ZSCAN5A: variants seen among roughly 807,000 people sequenced by gnomAD.
The protein encoded by ZSCAN5A is zinc finger and SCAN domain containing 5A.
A neutral mutation model predicts 23.7 loss-of-function variants in ZSCAN5A; 12 were observed. That is an observed-to-expected ratio of 0.51 (90% confidence interval 0.32 to 0.82). The LOEUF (loss-of-function observed/expected upper bound fraction) is 0.82, where lower values mean the gene tolerates loss of function less well. Ranked by LOEUF, ZSCAN5A falls within the 40% of genes least tolerant of loss-of-function variation. The probability of loss-of-function intolerance (pLI) is 0.03; values close to 1 mark genes in which losing one functional copy is unlikely to be tolerated. For missense variants in ZSCAN5A, 597 were observed against 617.9 expected (o/e 0.97, Z 0.36); for synonymous variants, 257 against 239.9 (o/e 1.07, Z -0.66).
Position 56,351,054 on chromosome 19 carries a change from C to T in ZSCAN5A, c.-358+12181G>A, listed in dbSNP as rs1015662465. Among the ~76,000 whole-genome samples, 4 of 151,878 alleles carry T rather than the reference C, an allele frequency of 2.6e-5. No homozygotes were observed. Among genetic ancestry groups the T allele is most frequent in the Admixed American group, 2.6e-4 (4 of 15,242 alleles). On this transcript the variant is annotated intron_variant, in intron 2 of 6. Coordinates refer to the ZSCAN5A transcript ENST00000587340. The surrounding 1 kb of genome is among the most constrained non-coding windows in gnomAD (Gnocchi z 4.8). ...CCCAGAAAGAATCATCATCTAACAC[C>T]CCCTAACAGCAGTTAGGTTTACTTC...
intron 2 of ZSCAN5A, among the ~76,000 whole-genome samples, chr19:56,345,367 T>C (rs2041625055): frequency 6.6e-6 from 1 of 152,308 alleles, no homozygotes; most frequent in East Asian, 1.9e-4. Context: ...ATATTAGACA[T>C]GCGGAAAGAA....
At chr19:56,265,741 G>A (rs2037428239) in intron 2 of ZSCAN5A, among the ~76,000 whole-genome samples, 1 of 152,130 alleles carries the variant, frequency 6.6e-6, no homozygotes. Context: ...ACTCTCACCT[G>A]AAAAGCATTA....
chr19:56,249,258 G>C lies in ZSCAN5A; in HGVS notation c.-127-24085C>G, dbSNP rs557074701. ...GATCAGGGGTGTGGCCTTAGAGTTTGCATTGAAAAATAGACTTCATTTTAT... is the reference window on the plus strand; with the variant it reads ...GATCAGGGGTGTGGCCTTAGAGTTTCCATTGAAAAATAGACTTCATTTTAT... On this transcript the variant is annotated intron_variant, in intron 2 of 5. Transcript: ENST00000683990. Among the ~76,000 whole-genome samples, 4 of 152,208 alleles carry C rather than the reference G, an allele frequency of 2.6e-5. No individual in the cohort carries two copies. The South Asian group carries it at 8.3e-4, about 32-fold the overall frequency.
intron 2 of ZSCAN5A, among the ~76,000 whole-genome samples, chr19:56,310,838 G>A (rs1278083252): frequency 6.6e-6 from 1 of 152,134 alleles, no homozygotes; most frequent in Non-Finnish European, 1.5e-5. Context: ...TCTTGGGTTC[G>A]AATCCCAGCT....
chr19:56,293,586 CT>C (rs1325969315), intron 2 of ZSCAN5A, among the ~76,000 whole-genome samples: 1 of 152,232 alleles, frequency 6.6e-6, no homozygotes, highest in Admixed American at 6.5e-5. Context: ...GGACCCTCGC[CT>C]CCTGAAGGGC....
At chr19:56,302,426 TTCTC>T (rs2040314465) in intron 2 of ZSCAN5A, among the ~76,000 whole-genome samples, 2 of 127,564 alleles carry the variant, frequency 1.6e-5, no homozygotes, top group Admixed American at 7.7e-5. Context: ...ATCCCTCCCT[TTCTC>T]CCTTCCTTCC....
chr19:56,356,736 G>T (rs1184047056), intron 2 of ZSCAN5A, among the ~76,000 whole-genome samples: 2 of 148,304 alleles, frequency 1.3e-5, no homozygotes, highest in Non-Finnish European at 3.0e-5. Flanking sequence ...TTTTACTTTT[G>T]CCTGCAGTAT....
intron 2 of ZSCAN5A, among the ~76,000 whole-genome samples, chr19:56,346,322 G>T (rs1281055201): frequency 1.3e-5 from 2 of 152,140 alleles, no homozygotes; most frequent in East Asian, 3.8e-4. Context: ...CCAGCTGGTT[G>T]CTACTCTTCT....
At chr19:56,239,831 C>CTG (rs2035270357) in intron 2 of ZSCAN5A, among the ~76,000 whole-genome samples, 1 of 152,074 alleles carries the variant, frequency 6.6e-6, no homozygotes, top group African/African-American at 2.4e-5. Flanking sequence ...TAGGATATTA[C>CTG]TGTCTGTGTG....
intron 2 of ZSCAN5A, among the ~76,000 whole-genome samples, chr19:56,328,890 G>T (rs1478482950): frequency 6.6e-6 from 1 of 151,390 alleles, no homozygotes; most frequent in African/African-American, 2.4e-5. Context: ...AGCTGCTGGG[G>T]AGGCTGAGGC....
rs190801782 is a variant in ZSCAN5A, at chr19:56,308,544, G to A, written c.-128+4739C>T. 1.1e-3 allele frequency among the ~76,000 whole-genome samples: 161 copies of A among 150,640 alleles called. 3 individuals carry two copies. Among genetic ancestry groups the A allele is most frequent in the African/African-American group, 3.6e-3 (146 of 40,878 alleles). ...TCACCATGTTGTCCAGGCTGGTCTCGAACTCCTGACCTCAGGTGACCCACC... is the reference window on the plus strand; with the variant it reads ...TCACCATGTTGTCCAGGCTGGTCTCAAACTCCTGACCTCAGGTGACCCACC... On this transcript the variant is annotated intron_variant, in intron 2 of 5. Transcript: ENST00000683990.
chr19:56,332,770 A>T (rs559326360), intron 2 of ZSCAN5A, among the ~76,000 whole-genome samples: 1 of 152,274 alleles, frequency 6.6e-6, no homozygotes, highest in South Asian at 2.1e-4. Flanking sequence ...CATATACTTA[A>T]GTGTATTTTT....
chr19:56,352,090 GTTTT>G lies in ZSCAN5A; in HGVS notation c.-358+11141_-358+11144del, dbSNP rs892930532. ...GGTATGCTTTGGTGGATAGTGTGGGGTTTTTTTGTTTGTTTGTTTCTTTGTTTTT... is the reference window on the plus strand; with the variant it reads ...GGTATGCTTTGGTGGATAGTGTGGGGTTTGTTTGTTTGTTTCTTTGTTTTT... On this transcript the variant is annotated intron_variant, in intron 2 of 6. Coordinates refer to the ZSCAN5A transcript ENST00000587340. This position sits in a 1 kb window ranked among gnomAD's most constrained non-coding sequence, Gnocchi z 4.2. Among the ~76,000 whole-genome samples, 10 of 151,700 alleles carry G rather than the reference GTTTT, an allele frequency of 6.6e-5. No homozygotes were observed. Among genetic ancestry groups the G allele is most frequent in the Admixed American group, 3.9e-4 (6 of 15,240 alleles).
chr19:56,233,892 C>T (rs1803317236), intron 2 of ZSCAN5A, among the ~76,000 whole-genome samples: 1 of 152,090 alleles, frequency 6.6e-6, no homozygotes, highest in Admixed American at 6.6e-5. Context: ...GGTTGCCCTT[C>T]CAAGCTGGCA....
chr19:56,320,120 G>A (rs1252744527), intron 2 of ZSCAN5A: 29 of 762,328 alleles, frequency 3.8e-5, no homozygotes, highest in Non-Finnish European at 6.4e-5. Context: ...AGAGCCATCT[G>A]TTAACTGTTC....
At chr19:56,297,596 G>A in intron 2 of ZSCAN5A, 2 of 893,416 alleles carry the variant, frequency 2.2e-6, no homozygotes, top group South Asian at 5.1e-5. Flanking sequence ...TCTGGGCTAT[G>A]ATAAAGCCTT....
intron 2 of ZSCAN5A, among the ~76,000 whole-genome samples, chr19:56,235,913 A>C (rs2034868095): frequency 8.5e-5 from 1 of 11,806 alleles, no homozygotes; most frequent in Non-Finnish European, 1.6e-4. Flanking sequence ...CGGTGGGCCA[A>C]GTCTCCACTC....
chr19:56,240,380 G>T (rs973261194), intron 2 of ZSCAN5A, among the ~76,000 whole-genome samples: 3 of 152,142 alleles, frequency 2.0e-5, no homozygotes, highest in African/African-American at 4.8e-5. Context: ...CACCTAAAAT[G>T]GATTACGTGG....
intron 2 of ZSCAN5A, among the ~76,000 whole-genome samples, chr19:56,233,917 G>A (rs2034671895): frequency 6.6e-6 from 1 of 152,076 alleles, no homozygotes; most frequent in South Asian, 2.1e-4. Context: ...AGGAACCCGG[G>A]CCAGGCACCG....
Sources: allele counts gnomAD v4.1 joint callset (sites outside exome capture counted in the v4.1 genomes callset), GRCh38; gene constraint gnomAD v4.1.1; non-coding constraint Gnocchi (gnomAD v3.1); transcripts MANE v1.5; gene names NCBI Gene and HGNC (gene_info 2026-07-23, HGNC 2026-07-21).